Variants in TSGA13 observed in about 807,000 individuals in gnomAD.
TSGA13 encodes the protein testis specific 13.
A neutral mutation model predicts 35.1 loss-of-function variants in TSGA13; 37 were observed. The ratio of observed to expected loss-of-function variants is 1.05; its 90% CI spans 0.81 to 1.39. The LOEUF is 1.39. TSGA13 is among the 40% of genes most tolerant of loss of function. TSGA13 has a pLI of 0.00. For synonymous variants in TSGA13, 124 were observed against 121.2 expected (o/e 1.02, Z -0.15); for missense variants, 338 against 328.5 (o/e 1.03, Z -0.22).
rs781947656 is a variant in TSGA13, at chr7:130,668,671, T to C, written c.*343A>G. ...TTCTTGTCGAATTTTTTAATCATCT[T>C]GGACGACTTCCCAGCGCCCAGACCC... On this transcript the variant is annotated 3_prime_UTR_variant, in exon 8 of 8. Coordinates refer to ENST00000356588, the MANE Select transcript of TSGA13 (RefSeq NM_052933.4). 1 of 1,540,856 alleles carries C rather than the reference T, an allele frequency of 6.5e-7. No homozygotes were observed. The highest frequency in any genetic ancestry group is 2.0e-5 in the Admixed American group (1 of 51,182).
rs1554464633 is a variant in TSGA13, at chr7:130,679,222, G to T, written c.320C>A (p.Ser107Ter). ...ACTCTCCTTGTCTTGCTGGGTGATT[G>T]AGCAGGGAGGTGGGTTGTTGGTCAT... The part of the protein sequence containing the change: ...LIMTNNPPPC[S>*]ITQQDKESAS... The change falls in exon 5 of 8, where the codon TCA (serine) becomes TAA (stop). Residue 107 changes from serine to a stop codon, truncating the protein, a stop_gained. Transcript: ENST00000356588. LOFTEE classifies it high-confidence loss of function. 1 of 1,614,038 alleles carries T rather than the reference G, an allele frequency of 6.2e-7. No homozygotes were observed. The highest frequency in any genetic ancestry group is 1.3e-5 in the African/African-American group (1 of 74,914).
chr7:130,681,356 CT>C (rs1380706859), intron 3 of TSGA13, among the ~76,000 whole-genome samples: 1 of 152,172 alleles, frequency 6.6e-6, no homozygotes, highest in East Asian at 1.9e-4. Flanking sequence ...TCACTTCTTT[CT>C]TATGCCTTTT....
chr7:130,677,464 G>A lies in TSGA13; in HGVS notation c.387+1691C>T, dbSNP rs187274896. Among the ~76,000 whole-genome samples, 25 of 150,032 alleles carry A rather than the reference G, an allele frequency of 1.7e-4. No individual in the cohort carries two copies. In the East Asian group the frequency reaches 4.7e-3, roughly 28 times the overall value. ...TTTTGAGATAGAGTCTCGCCCTGTC[G>A]CCCATGCTGGAATGCAGTAGCGCTA... On this transcript the variant is annotated intron_variant, in intron 5 of 7. Transcript: ENST00000356588.
At position 130,668,991 on chromosome 7, in the gene TSGA13, C is replaced by G. The variant is rs782254454; in HGVS notation, c.*23G>C. 41 of 1,610,804 alleles carry G rather than the reference C, an allele frequency of 2.5e-5. No homozygotes were observed. Among genetic ancestry groups the G allele is most frequent in the Non-Finnish European group, 3.4e-5 (40 of 1,178,372 alleles). ...ACCCCTCAGTCTCAAGAGAGCGAGG[C>G]GGGAGGACTGAGGGGTCTGTGTTCA... On this transcript the variant is annotated 3_prime_UTR_variant, in exon 8 of 8. Coordinates refer to ENST00000356588, the MANE Select transcript of TSGA13 (RefSeq NM_052933.4).
chr7:130,683,482 T>C (rs1796594701), intron 3 of TSGA13, 112 bp downstream of exon 3: 2 of 900,260 alleles, frequency 2.2e-6, no homozygotes, highest in South Asian at 1.8e-5. Flanking sequence ...TCCATATACA[T>C]TTTTACTCCT....
At position 130,681,033 on chromosome 7, in the gene TSGA13, A is replaced by G. The variant is rs1554465014; in HGVS notation, c.103-16T>C. The G allele has an allele frequency of 6.2e-7, 1 of 1,613,600 alleles. No homozygotes were observed. The highest frequency in any genetic ancestry group is 1.1e-5 in the South Asian group (1 of 91,074). On this transcript the variant is annotated splice_polypyrimidine_tract_variant and intron_variant, in intron 3 of 7. Coordinates refer to ENST00000356588, the MANE Select transcript of TSGA13 (RefSeq NM_052933.4). ...CATCAGAAATCTAAAGAGGATAATCAAAGTTAGTGGTTTGAAGTTGCACCT... is the reference window on the plus strand; with the variant it reads ...CATCAGAAATCTAAAGAGGATAATCGAAGTTAGTGGTTTGAAGTTGCACCT...
upstream of TSGA13, chr7:130,686,677 C>T (rs1796665039): frequency 7.1e-6 from 1 of 139,978 alleles, no homozygotes; most frequent in South Asian, 2.4e-4. Flanking sequence ...CTTATTTTGC[C>T]AGCCTATGAC....
upstream of TSGA13, chr7:130,686,749 A>G (rs1439765657): frequency 7.7e-6 from 1 of 129,374 alleles, no homozygotes; most frequent in Admixed American, 7.5e-5. Flanking sequence ...CATCTTCACC[A>G]TCTCTTAATC....
chr7:130,685,213 C>G lies in TSGA13; in HGVS notation c.-3G>C. 6.2e-7 allele frequency: 1 copy of G among 1,613,214 alleles called. No individual in the cohort carries two copies. The highest frequency in any genetic ancestry group is 1.1e-5 in the South Asian group (1 of 91,036). ...TTGGTTTGTCTCTTTTGGCTCATTG[C>G]TGTTGACTGCTAGTTGGCCAACCCA... is the stretch of plus-strand genomic sequence containing the variant. On this transcript the variant is annotated 5_prime_UTR_variant, in exon 2 of 8. Transcript: ENST00000356588.
chr7:130,672,632 A>G, intron 6 of TSGA13, 102 bp downstream of exon 6: 2 of 1,466,498 alleles, frequency 1.4e-6, no homozygotes, highest in Admixed American at 4.1e-5. Flanking sequence ...CTATCTTTGT[A>G]CGACCAAAGA....
intron 5 of TSGA13, among the ~76,000 whole-genome samples, chr7:130,676,896 CT>C (rs781832667): frequency 3.9e-3 from 552 of 142,964 alleles, no homozygotes; most frequent in Non-Finnish European, 4.2e-3. Context: ...GATTTTGATT[CT>C]TTTTTTTTTT....
intron 3 of TSGA13, among the ~76,000 whole-genome samples, chr7:130,682,981 A>G (rs1796583618): frequency 6.6e-6 from 1 of 152,222 alleles, no homozygotes; most frequent in Admixed American, 6.5e-5. Context: ...TTAGAATCAT[A>G]GAAGTTAGGA....
chr7:130,674,867 C>T (rs1174849184), intron 5 of TSGA13, among the ~76,000 whole-genome samples: 1 of 152,130 alleles, frequency 6.6e-6, no homozygotes, highest in African/African-American at 2.4e-5. Context: ...AAAGTAATTG[C>T]AGTTTTGCAA....
chr7:130,686,725 CACACACACACACACAT>C (rs1460724866), upstream of TSGA13: 5 of 152,164 alleles, frequency 3.3e-5, no homozygotes, highest in African/African-American at 1.2e-4. Context: ...CACACACACA[CACACACACACACACAT>C]CTTCACCATC....
At chr7:130,674,093 T>C (rs1232871394) in intron 5 of TSGA13, among the ~76,000 whole-genome samples, 1 of 149,386 alleles carries the variant, frequency 6.7e-6, no homozygotes, top group Non-Finnish European at 1.5e-5. Context: ...AGACTCCATC[T>C]CAGTAAAACA....
chr7:130,676,869 TATC>T (rs1315921874), intron 5 of TSGA13, among the ~76,000 whole-genome samples: 1 of 152,104 alleles, frequency 6.6e-6, no homozygotes. Context: ...CTCTTGAGGC[TATC>T]ATGACCTTTT....
At position 130,675,330 on chromosome 7, in the gene TSGA13, G is replaced by T. The variant is rs371938373; in HGVS notation, c.388-2454C>A. Among the ~76,000 whole-genome samples, 360 of 126,488 alleles carry T rather than the reference G, an allele frequency of 2.8e-3. 3 individuals carry two copies. The highest frequency in any genetic ancestry group is 9.9e-3 in the African/African-American group (327 of 33,042). 83.0% of individuals were successfully genotyped at this position (126,488 alleles called of 152,430 possible). ...CTATAACTTCAGCCTTCCCATACTC[G>T]ACTTCATGGCCTCTTCACTACCTTT... is the stretch of plus-strand genomic sequence containing the variant. On this transcript the variant is annotated intron_variant, in intron 5 of 7. Transcript: ENST00000356588.
chr7:130,672,283 G>A (rs1333507045), intron 6 of TSGA13, among the ~76,000 whole-genome samples: 28 of 152,292 alleles, frequency 1.8e-4, no homozygotes, highest in African/African-American at 6.5e-4. Flanking sequence ...ATTGTTCCGT[G>A]ACAAGGGATG....
At chr7:130,682,105 A>G (rs142711719) in intron 3 of TSGA13, among the ~76,000 whole-genome samples, 29 of 149,966 alleles carry the variant, frequency 1.9e-4, no homozygotes, top group Non-Finnish European at 3.0e-4. Context: ...ATGCCCAGCT[A>G]TTATTATTAT....
Sources: gnomAD v4.1 joint callset for allele counts (sites outside exome capture counted in the v4.1 genomes callset) on GRCh38, gnomAD v4.1.1 for gene constraint, MANE v1.5 for transcripts, NCBI Gene and HGNC (gene_info 2026-07-23, HGNC 2026-07-21) for gene names.